Variants in CERS3 observed in about 807,000 individuals in gnomAD.
The protein encoded by CERS3 is ceramide synthase 3, also known as LAG1 homolog, ceramide synthase 3.
A neutral mutation model predicts 50.3 loss-of-function variants in CERS3; 33 were observed. That is an observed-to-expected ratio of 0.66 (90% CI 0.50 to 0.88). The LOEUF (loss-of-function observed/expected upper bound fraction) is 0.88, where lower values mean the gene tolerates loss of function less well. Among genes scored for constraint, CERS3 ranks in the 40% least tolerant of loss-of-function variants. The pLI, the probability that CERS3 is intolerant of heterozygous loss-of-function variation, is 0.00. For synonymous variants in CERS3, 176 were observed against 155.2 expected (o/e 1.13, Z -0.99); for missense variants, 470 against 460.3 (o/e 1.02, Z -0.19).
intron 11 of CERS3, among the ~76,000 whole-genome samples, chr15:100,403,784 G>A (rs756219933): frequency 2.6e-5 from 4 of 152,136 alleles, no homozygotes; most frequent in Non-Finnish European, 5.9e-5. Flanking sequence ...AGGTCCAAAT[G>A]TTTACACTGG....
chr15:100,536,651 G>A (rs148835072), intron 1 of CERS3, among the ~76,000 whole-genome samples: 11 of 152,262 alleles, frequency 7.2e-5, no homozygotes, highest in Admixed American at 3.9e-4. Flanking sequence ...GACAGAAGTC[G>A]GCAGATAAAG....
At chr15:100,406,314 A>G (rs2031020946) in intron 11 of CERS3, among the ~76,000 whole-genome samples, 1 of 152,146 alleles carries the variant, frequency 6.6e-6, no homozygotes, top group South Asian at 2.1e-4. Context: ...TTCTCACATC[A>G]TTTTTCAAGA....
intron 11 of CERS3, among the ~76,000 whole-genome samples, chr15:100,431,534 G>C (rs1051511507): frequency 6.6e-6 from 1 of 152,082 alleles, no homozygotes; most frequent in African/African-American, 2.4e-5. Flanking sequence ...AATGTTTGTT[G>C]AGGTCATGCC....
intron 1 of CERS3, among the ~76,000 whole-genome samples, chr15:100,525,685 T>A (rs888625181): frequency 5.9e-5 from 9 of 152,244 alleles, no homozygotes; most frequent in Admixed American, 3.3e-4. Context: ...TTTTTATACA[T>A]AAGCCCTAAT....
intron 1 of CERS3, among the ~76,000 whole-genome samples, chr15:100,537,252 C>T (rs2037096243): frequency 6.6e-6 from 1 of 152,212 alleles, no homozygotes; most frequent in South Asian, 2.1e-4. Flanking sequence ...CCAACTATGA[C>T]CCATTCCCAA....
chr15:100,522,843 C>A lies in CERS3; in HGVS notation c.-91-1087G>T, dbSNP rs190405088. ...TGAATGCATTTCTGTAGAACATATACCTGGGAGTGGAAACGCCAGGTCATA... is the reference window on the plus strand; with the variant it reads ...TGAATGCATTTCTGTAGAACATATAACTGGGAGTGGAAACGCCAGGTCATA... On this transcript the variant is annotated intron_variant, in intron 1 of 11. Transcript: ENST00000679737. Among the ~76,000 whole-genome samples the A allele has an allele frequency of 1.5e-3, 230 of 152,248 alleles. 2 individuals carry two copies. The highest frequency in any genetic ancestry group is 5.1e-3 in the African/African-American group (212 of 41,534).
At chr15:100,498,301 G>C (rs972256059) in intron 3 of CERS3, among the ~76,000 whole-genome samples, 13 of 152,118 alleles carry the variant, frequency 8.5e-5, no homozygotes, top group Admixed American at 8.5e-4. Flanking sequence ...ACCTAATAAA[G>C]TGTAGATGAA....
At chr15:100,445,245 A>G (rs552510943) in intron 11 of CERS3, among the ~76,000 whole-genome samples, 87 of 123,476 alleles carry the variant, frequency 7.0e-4, no homozygotes, top group African/African-American at 2.6e-3. Context: ...CATCCCTACT[A>G]TCTCCTGTCT....
At chr15:100,404,034 A>G (rs2030781453) in intron 11 of CERS3, among the ~76,000 whole-genome samples, 2 of 152,232 alleles carry the variant, frequency 1.3e-5, no homozygotes, top group African/African-American at 4.8e-5. Flanking sequence ...AAGGGCCAAC[A>G]CACAGAAGAG....
chr15:100,464,547 G>A (rs115450241), intron 10 of CERS3, among the ~76,000 whole-genome samples: 3 of 152,320 alleles, frequency 2.0e-5, no homozygotes, highest in East Asian at 1.9e-4. Flanking sequence ...GTGGAACCAC[G>A]ATCTGCTCTT....
At chr15:100,510,021 C>G (rs564027874) in intron 2 of CERS3, among the ~76,000 whole-genome samples, 1 of 53,750 alleles carries the variant, frequency 1.9e-5, no homozygotes, top group African/African-American at 6.1e-5. Flanking sequence ...CTCTACAAAC[C>G]CAGCCAAAAA....
chr15:100,501,820 C>G lies in CERS3; in HGVS notation c.30G>C (p.Trp10Cys), dbSNP rs916014354. The G allele has an allele frequency of 6.2e-7, 1 of 1,614,004 alleles. No homozygotes were observed. Among genetic ancestry groups the G allele is most frequent in the Non-Finnish European group, 8.5e-7 (1 of 1,179,994 alleles). ...TTGGAGGAAGCCAGAATCTTTCCAACCAGAACCATTCTTTAAACGTCCAAA... is the reference window on the plus strand; with the variant it reads ...TTGGAGGAAGCCAGAATCTTTCCAAGCAGAACCATTCTTTAAACGTCCAAA... MFWTFKEWF[W>C]LERFWLPPTI... Residue 10 changes from tryptophan to cysteine, a missense_variant, in exon 3 of 12, where the codon TGG (tryptophan) becomes TGC (cysteine). Coordinates refer to ENST00000679737, the MANE Select transcript of CERS3 (RefSeq NM_001378789.1).
chr15:100,503,237 G>A (rs961173622), intron 2 of CERS3, among the ~76,000 whole-genome samples: 2 of 152,198 alleles, frequency 1.3e-5, no homozygotes, highest in Non-Finnish European at 2.9e-5. Flanking sequence ...AACTACCAGT[G>A]GGTTGGTACT....
intron 10 of CERS3, among the ~76,000 whole-genome samples, chr15:100,462,526 ATGAC>A (rs2034582750): frequency 6.6e-6 from 1 of 152,200 alleles, no homozygotes; most frequent in Non-Finnish European, 1.5e-5. Context: ...AAGTTTCTAA[ATGAC>A]TGGGTAGTTG....
At chr15:100,529,736 C>T (rs943266807), upstream of CERS3, among the ~76,000 whole-genome samples, 2 of 152,228 alleles carry the variant, frequency 1.3e-5, no homozygotes, top group African/African-American at 2.4e-5. Context: ...TTTAAAGGTG[C>T]TCTGACAAGT....
Position 100,472,974 on chromosome 15 carries a change from T to C in CERS3, c.688A>G (p.Ser230Gly), listed in dbSNP as rs1297043950. 1 of 1,614,028 alleles carries C rather than the reference T, an allele frequency of 6.2e-7. No homozygotes were observed. Among genetic ancestry groups the C allele is most frequent in the Non-Finnish European group, 8.5e-7 (1 of 1,179,948 alleles). ...TGTACAATCATCACGAGGGTCCCAC[T>C]GCGAATATAATTAGCACACCAAGAG... The part of the protein sequence containing the change: ...SFSWCANYIR[S>G]GTLVMIVHDV... Residue 230 changes from serine to glycine, a missense_variant, in exon 9 of 12, where the codon AGT (serine) becomes GGT (glycine). Transcript: ENST00000679737.
chr15:100,475,308 C>T (rs575323614), intron 8 of CERS3, among the ~76,000 whole-genome samples: 2 of 152,316 alleles, frequency 1.3e-5, no homozygotes, highest in East Asian at 3.9e-4. Flanking sequence ...CACCATCACT[C>T]AACACAAACA....
chr15:100,468,695 G>A (rs886698742), intron 10 of CERS3, among the ~76,000 whole-genome samples: 5 of 152,098 alleles, frequency 3.3e-5, no homozygotes, highest in Non-Finnish European at 5.9e-5. Flanking sequence ...TGTTACTCTG[G>A]TTTCTGTCAA....
chr15:100,504,236 A>G (rs1054205214), intron 2 of CERS3, among the ~76,000 whole-genome samples: 5 of 104,772 alleles, frequency 4.8e-5, no homozygotes, highest in African/African-American at 1.9e-4. Flanking sequence ...TCCTTGGACT[A>G]TTCTTTTTTT....
Sources: allele counts gnomAD v4.1 joint callset (sites outside exome capture counted in the v4.1 genomes callset), GRCh38; gene constraint gnomAD v4.1.1; transcripts MANE v1.5; gene names NCBI Gene and HGNC (gene_info 2026-07-23, HGNC 2026-07-21).